ERCC6L2: variants seen among roughly 807,000 people sequenced by gnomAD.
ERCC6L2 encodes DNA excision repair protein ERCC-6-like 2.
In ERCC6L2, 77 loss-of-function variants were observed where a neutral mutation model predicts 132.0. The observed-to-expected ratio is 0.58, with a 90% CI of 0.49 to 0.71. ERCC6L2 has a LOEUF of 0.71. Among genes scored for constraint, ERCC6L2 ranks in the 30% least tolerant of loss-of-function variants. The probability of loss-of-function intolerance (pLI) is 0.00; values close to 1 mark genes in which losing one functional copy is unlikely to be tolerated. For synonymous variants in ERCC6L2, 583 were observed against 632.4 expected (o/e 0.92, Z 1.17); for missense variants, 1,542 against 1,837.6 (o/e 0.84, Z 2.94).
At chr9:95,954,673 G>T (rs1831509420) in intron 12 of ERCC6L2, 1 of 431,314 alleles carries the variant, frequency 2.3e-6, no homozygotes. Flanking sequence ...CAAACAACTG[G>T]CTTAAGCATA....
At chr9:95,913,056 C>G (rs1829416633) in intron 4 of ERCC6L2, among the ~76,000 whole-genome samples, 1 of 152,154 alleles carries the variant, frequency 6.6e-6, no homozygotes, top group Non-Finnish European at 1.5e-5. Flanking sequence ...TCAGATCTCT[C>G]CATTGTAAAG....
intron 11 of ERCC6L2, among the ~76,000 whole-genome samples, chr9:95,936,740 C>T (rs999295233): frequency 7.9e-5 from 12 of 152,286 alleles, no homozygotes; most frequent in African/African-American, 2.2e-4. Context: ...ACAAGAATCC[C>T]TCATGCTGTC....
rs1008596560 is a variant in ERCC6L2 at position 96,014,239 on chromosome 9, C to T, written c.*1036C>T. Reference sequence around the variant, plus strand: ...GCCTCCGCTGCAGGTTCAGATGCACCGCTGCAGCTGTCCTTCAGTTAGTTC... The same window carrying T: ...GCCTCCGCTGCAGGTTCAGATGCACTGCTGCAGCTGTCCTTCAGTTAGTTC... On this transcript the variant is annotated 3_prime_UTR_variant, in exon 19 of 19. Transcript: ENST00000653738. The T allele has an allele frequency of 1.3e-5, 2 of 152,156 alleles. No individual in the cohort carries two copies. Among genetic ancestry groups the T allele is most frequent in the African/African-American group, 4.8e-5 (2 of 41,434 alleles). The allele number at this position is 152,156 out of a possible 1,614,324, so 9.4% of individuals were successfully genotyped here. A position where few individuals can be genotyped will look rare whatever the true frequency, so the allele number is the denominator to read the frequency against.
intron 17 of ERCC6L2, among the ~76,000 whole-genome samples, chr9:95,979,535 T>G (rs982536335): frequency 6.6e-6 from 1 of 152,134 alleles, no homozygotes; most frequent in East Asian, 1.9e-4. Flanking sequence ...CAGAACGATA[T>G]AGTGAAGAGT....
chr9:95,915,976 A>C (rs1829566851), intron 5 of ERCC6L2, 147 bp downstream of exon 5: 5 of 846,840 alleles, frequency 5.9e-6, no homozygotes, highest in Admixed American at 3.0e-5. Context: ...TACACAGTAG[A>C]GAGTCCCATG....
chr9:95,954,775 C>T (rs577532390), intron 12 of ERCC6L2: 116 of 471,146 alleles, frequency 2.5e-4, no homozygotes, highest in African/African-American at 2.1e-3. Context: ...CCCCTCTCCT[C>T]TGCTCCTGGG....
At chr9:95,911,455 T>C (rs1829335820) in intron 4 of ERCC6L2, among the ~76,000 whole-genome samples, 1 of 152,098 alleles carries the variant, frequency 6.6e-6, no homozygotes, top group Non-Finnish European at 1.5e-5. Context: ...TTGTTATAAA[T>C]ATTAAATAAG....
Position 95,915,741 on chromosome 9 carries a change from A to C in ERCC6L2, c.862A>C (p.Met288Leu). 1 of 1,614,090 alleles carries C rather than the reference A, an allele frequency of 6.2e-7. No homozygotes were observed. Among genetic ancestry groups the C allele is most frequent in the East Asian group, 2.2e-5 (1 of 44,866 alleles). The change falls in exon 5 of 19, where the codon ATG (methionine) becomes CTG (leucine). Residue 288 changes from methionine to leucine, a missense_variant. Met to Leu is a conservative substitution (Grantham distance 15, BLOSUM62 2). This residue lies in a region of ERCC6L2 where 945 missense variants were observed against 1,105.2 expected (regional missense o/e 0.86). Transcript: ENST00000653738. Reference sequence around the variant, plus strand: ...TCCAAAAGCTAGAGTAACAGAAGTTATGAAAGCTTTGAAATGTAATGTCCG... The same window carrying C: ...TCCAAAAGCTAGAGTAACAGAAGTTCTGAAAGCTTTGAAATGTAATGTCCG... ...KNPKARVTEV[M>L]KALKCNVRIG...
At chr9:95,986,789 G>T (rs1833113880) in intron 17 of ERCC6L2, among the ~76,000 whole-genome samples, 1 of 152,062 alleles carries the variant, frequency 6.6e-6, no homozygotes, top group Non-Finnish European at 1.5e-5. Flanking sequence ...AAGCCACCAT[G>T]CCCAGCCTTA....
chr9:95,904,687 A>G (rs1003315921), intron 3 of ERCC6L2, among the ~76,000 whole-genome samples: 1 of 152,164 alleles, frequency 6.6e-6, no homozygotes, highest in African/African-American at 2.4e-5. Context: ...TTATGTTATT[A>G]TTAATACTAT....
At chr9:95,926,250 C>T (rs1830095907) in intron 9 of ERCC6L2, among the ~76,000 whole-genome samples, 2 of 152,128 alleles carry the variant, frequency 1.3e-5, no homozygotes, top group African/African-American at 2.4e-5. Context: ...CGCAATTGTG[C>T]CCCTTGGTAT....
intron 17 of ERCC6L2, among the ~76,000 whole-genome samples, chr9:95,981,937 A>C (rs796163849): frequency 2.0e-5 from 3 of 152,314 alleles, no homozygotes; most frequent in African/African-American, 7.2e-5. Flanking sequence ...CAGCTGTCAT[A>C]GTCAACCTCT....
intron 3 of ERCC6L2, chr9:95,905,238 G>A (rs1301852927): frequency 2.6e-5 from 4 of 152,170 alleles, no homozygotes; most frequent in Non-Finnish European, 5.9e-5. Context: ...AAGTTCTTAT[G>A]TACTTTCCCT....
intron 17 of ERCC6L2, among the ~76,000 whole-genome samples, chr9:96,002,534 A>G (rs1588045134): frequency 6.8e-6 from 1 of 148,126 alleles, no homozygotes; most frequent in South Asian, 2.2e-4. Flanking sequence ...CCATCCTCCC[A>G]CCTCAGCCTC....
intron 17 of ERCC6L2, among the ~76,000 whole-genome samples, chr9:95,989,579 G>A (rs761414932): frequency 6.6e-6 from 1 of 152,216 alleles, no homozygotes; most frequent in African/African-American, 2.4e-5. Context: ...TTGCTCTCTG[G>A]ATTAGAGAAG....
At chr9:95,974,216 G>A (rs1379583785) in intron 16 of ERCC6L2, among the ~76,000 whole-genome samples, 1 of 152,060 alleles carries the variant, frequency 6.6e-6, no homozygotes, top group Non-Finnish European at 1.5e-5. Context: ...TTGTAAAGAG[G>A]TACTTCACTA....
At chr9:95,921,630 C>T (rs1829872437) in intron 7 of ERCC6L2, among the ~76,000 whole-genome samples, 1 of 152,076 alleles carries the variant, frequency 6.6e-6, no homozygotes, top group South Asian at 2.1e-4. Context: ...TCTCATTATC[C>T]ACTAATAGTA....
chr9:95,916,678 C>G (rs1402771877), intron 6 of ERCC6L2, among the ~76,000 whole-genome samples: 1 of 149,362 alleles, frequency 6.7e-6, no homozygotes. Context: ...CATTTCTCAT[C>G]AAAACCTTTT....
chr9:95,928,825 A>G lies in ERCC6L2; in HGVS notation c.1712A>G (p.Asn571Ser), dbSNP rs757080600. The G allele has an allele frequency of 6.2e-6, 10 of 1,611,418 alleles. No individual in the cohort carries two copies. The South Asian group carries it at 8.8e-5, about 14-fold the overall frequency. ...AGACTCAAGATTGTAAAAGAGTTCA[A>G]CAGTACACAAGATGTTAACATTTGC... ...EERLKIVKEF[N>S]STQDVNICLV... Residue 571 changes from asparagine (N) to serine (S), a missense_variant, in exon 11 of 19, where the codon AAC becomes AGC. This residue lies in a region of ERCC6L2 where 945 missense variants were observed against 1,105.2 expected (regional missense o/e 0.86). Coordinates refer to ENST00000653738, the MANE Select transcript of ERCC6L2 (RefSeq NM_020207.7).
Sources: gnomAD v4.1 joint callset for allele counts (sites outside exome capture counted in the v4.1 genomes callset) on GRCh38, gnomAD v4.1.1 for gene constraint, gnomAD v4.1.1 regional missense constraint, MANE v1.5 for transcripts, NCBI Gene and HGNC (gene_info 2026-07-23, HGNC 2026-07-21) for gene names.